Variants in PAOX observed in about 807,000 individuals in gnomAD.
PAOX encodes polyamine oxidase.
In PAOX, 38 loss-of-function variants were observed where a neutral mutation model predicts 39.0. That is an observed-to-expected ratio of 0.97 (90% CI 0.75 to 1.28). The LOEUF (loss-of-function observed/expected upper bound fraction) is 1.28, where lower values mean the gene tolerates loss of function less well. Among genes scored for constraint, PAOX ranks in the 50% most tolerant of loss-of-function variants. The probability of loss-of-function intolerance (pLI) is 0.00; values close to 1 mark genes in which losing one functional copy is unlikely to be tolerated. For synonymous variants in PAOX, 311 were observed against 314.4 expected, an observed-to-expected ratio of 0.99 and a Z score of 0.11; for missense variants, 667 against 685.7, an observed-to-expected ratio of 0.97 and a Z score of 0.30.
chr10:133,387,679 C>A (rs573967118), intron 4 of PAOX, among the ~76,000 whole-genome samples: 1 of 152,360 alleles, frequency 6.6e-6, no homozygotes, highest in South Asian at 2.1e-4. Flanking sequence ...CCGTGCACCA[C>A]GCGCAGCAGG....
Position 133,391,308 on chromosome 10 carries a change from G to C in PAOX, c.1393-4G>C, listed in dbSNP as rs1221237156. 2 of 1,613,336 alleles carry C rather than the reference G, an allele frequency of 1.2e-6. No homozygotes were observed. On this transcript the variant is annotated splice_polypyrimidine_tract_variant and splice_region_variant and intron_variant, in intron 6 of 6. Transcript: ENST00000278060. ...CCCATTCTAACCCTGGCTCTTCTTT[G>C]CAGCTCCAGATCCTGTTTGCGGGGG...
In PAOX at chr10:133,389,766, T is replaced by G; in HGVS notation, c.1392+19T>G. The stretch of plus-strand genomic sequence containing the variant: ...CGCCCAGGTATGTGGCGTGCCCCAG[T>G]CGGGGGGCGTGGGTCCCGCTGCAGA... On this transcript the variant is annotated intron_variant, in intron 6 of 6. Coordinates refer to ENST00000278060, the MANE Select transcript of PAOX (RefSeq NM_152911.4). The G allele has an allele frequency of 6.9e-7, 1 of 1,459,542 alleles. No individual in the cohort carries two copies. Among genetic ancestry groups the G allele is most frequent in the Non-Finnish European group, 9.0e-7 (1 of 1,107,628 alleles). 90.4% of individuals were successfully genotyped at this position (1,459,542 alleles called of 1,614,324 possible).
chr10:133,379,900 C>T (rs1849305569), intron 1 of PAOX, 99 bp from the exon 2 acceptor site: 14 of 1,454,420 alleles, frequency 9.6e-6, no homozygotes, highest in Non-Finnish European at 1.3e-5. Context: ...GTGGTACATC[C>T]TCCTTGGGAA....
rs1849479312 is a variant in PAOX, at chr10:133,384,316, G to C, written c.1121+104G>C. On this transcript the variant is annotated intron_variant, in intron 4 of 6. Transcript: ENST00000278060. The surrounding 1 kb of genome is among the most constrained non-coding windows in gnomAD (Gnocchi z 4.3). ...GTTCACTGCAGGGTATTTCTAGGGG[G>C]TTTAATGGGTAGGGTTCCCATGAGC... 3 of 1,507,452 alleles carry C rather than the reference G, an allele frequency of 2.0e-6. No individual in the cohort carries two copies. The highest frequency in any genetic ancestry group is 2.7e-6 in the Non-Finnish European group (3 of 1,116,764). 93.4% of individuals were successfully genotyped at this position (1,507,452 alleles called of 1,614,324 possible). A position where few individuals can be genotyped will look rare whatever the true frequency, so the allele number is the denominator to read the frequency against.
intron 3 of PAOX, 97 bp downstream of exon 3, chr10:133,381,756 A>G: frequency 7.7e-7 from 1 of 1,299,020 alleles, no homozygotes; most frequent in Non-Finnish European, 1.1e-6. Context: ...TTGTGTACGA[A>G]GCTCACATTT....
chr10:133,380,717 C>A (rs1289854662), intron 2 of PAOX, among the ~76,000 whole-genome samples: 1 of 152,210 alleles, frequency 6.6e-6, no homozygotes, highest in East Asian at 1.9e-4. Flanking sequence ...CGGTGGCTCA[C>A]GCCTGTAATC....
chr10:133,381,993 T>TG (rs5789162), intron 3 of PAOX, among the ~76,000 whole-genome samples: 134,947 of 152,056 alleles, frequency 0.89, 60,664 homozygotes, highest in East Asian at 0.97. Context: ...AGGTCAGGCC[T>TG]GGGGTGACCT....
intron 2 of PAOX, among the ~76,000 whole-genome samples, 154 bp downstream of exon 2, chr10:133,380,639 G>C (rs1849340334): frequency 6.6e-6 from 1 of 152,194 alleles, no homozygotes. Flanking sequence ...CCCTAGTTTT[G>C]CTCATTTAAG....
In PAOX at chr10:133,391,595, A is replaced by T. The variant is rs1849687164; in HGVS notation, c.*140A>T. On this transcript the variant is annotated 3_prime_UTR_variant, in exon 7 of 7. Transcript: ENST00000278060. Reference sequence around the variant, plus strand: ...TTTTGGTAACCAGGGCCACCTTCTCAGTTCTTGTGTCTGTTATTGGAGTCT... The same window carrying T: ...TTTTGGTAACCAGGGCCACCTTCTCTGTTCTTGTGTCTGTTATTGGAGTCT... 1.6e-6 allele frequency: 2 copies of T among 1,285,058 alleles called. No homozygotes were observed. The highest frequency in any genetic ancestry group is 5.1e-5 in the East Asian group (2 of 39,242). The allele number at this position is 1,285,058 out of a possible 1,614,324, so 79.6% of individuals were successfully genotyped here.
At chr10:133,379,628 C>A (rs1849294931) in intron 1 of PAOX, 131 bp downstream of exon 1, 2 of 786,090 alleles carry the variant, frequency 2.5e-6, no homozygotes, top group African/African-American at 1.8e-5. Flanking sequence ...TCCCCGCTCG[C>A]TTAATCCGCC....
At position 133,380,392 on chromosome 10, in the gene PAOX, G is replaced by A; in HGVS notation, c.575G>A (p.Cys192Tyr). 1 of 1,612,948 alleles carries A rather than the reference G, an allele frequency of 6.2e-7. No homozygotes were observed. Among genetic ancestry groups the A allele is most frequent in the Non-Finnish European group, 8.5e-7 (1 of 1,180,040 alleles). ...CTGAACTCCTTCTTCAACCTGGAATGCTGTGTGAGCGGCACCCACAGCATG... is the reference window on the plus strand; with the variant it reads ...CTGAACTCCTTCTTCAACCTGGAATACTGTGTGAGCGGCACCCACAGCATG... ...AVLNSFFNLE[C>Y]CVSGTHSMDL... The change falls in exon 2 of 7, where the codon TGC becomes TAC. Residue 192 changes from cysteine to tyrosine, a missense_variant. Cys to Tyr is a radical substitution (Grantham distance 194). Transcript: ENST00000278060.
intron 1 of PAOX, 39 bp from the exon 2 acceptor site, chr10:133,379,960 G>A: frequency 6.6e-7 from 1 of 1,504,240 alleles, no homozygotes; most frequent in Non-Finnish European, 8.8e-7. Context: ...ACCCTTCTAG[G>A]AAAGGGACCT....
rs556233344 is a variant in PAOX at position 133,385,167 on chromosome 10, G to A, written c.1121+955G>A. ...AAAAAATTAGCCGGTGTGGTGGCAC[G>A]CACCTGTAATCACAGCTACTCAGGA... On this transcript the variant is annotated intron_variant, in intron 4 of 6. Coordinates refer to ENST00000278060, the MANE Select transcript of PAOX (RefSeq NM_152911.4). 5.9e-5 allele frequency among the ~76,000 whole-genome samples: 9 copies of A among 152,176 alleles called. No homozygotes were observed. The East Asian group carries it at 7.7e-4, about 13-fold the overall frequency.
intron 1 of PAOX, 66 bp downstream of exon 1, chr10:133,379,563 C>T: frequency 6.7e-6 from 8 of 1,188,666 alleles, no homozygotes; most frequent in Non-Finnish European, 8.4e-6. Context: ...CCGGCCCCAA[C>T]CTGCCCTGCG....
Position 133,379,510 on chromosome 10 carries a change from C to G in PAOX, c.181+13C>G. On this transcript the variant is annotated intron_variant, in intron 1 of 6. Transcript: ENST00000278060. Reference sequence around the variant, plus strand: ...GAGCGCTGCTTCGGTAACCGCCCCTCCCGGAGCCCCTCCCGGAACCCAACC... The same window carrying G: ...GAGCGCTGCTTCGGTAACCGCCCCTGCCGGAGCCCCTCCCGGAACCCAACC... The G allele has an allele frequency of 8.2e-7, 1 of 1,225,670 alleles. No homozygotes were observed. The highest frequency in any genetic ancestry group is 1.0e-6 in the Non-Finnish European group (1 of 984,122). 75.9% of individuals were successfully genotyped at this position (1,225,670 alleles called of 1,614,324 possible). A position where few individuals can be genotyped will look rare whatever the true frequency, so the allele number is the denominator to read the frequency against.
Position 133,389,613 on chromosome 10 carries a change from A to G in PAOX, c.1258A>G (p.Lys420Glu). The part of the protein sequence containing the change: ...VTGNPRLPAP[K>E]SVLRSRWHSA... ...AGGAAACCCACGGCTCCCCGCGCCC[A>G]AGAGCGTCCTGCGGTCTCGCTGGCA... The change falls in exon 6 of 7, where the codon AAG becomes GAG. Residue 420 changes from lysine to glutamate, a missense_variant. By Grantham distance (56) the Lys-to-Glu change is moderately conservative. Transcript: ENST00000278060. 6.2e-7 allele frequency: 1 copy of G among 1,613,740 alleles called. No individual in the cohort carries two copies. The highest frequency in any genetic ancestry group is 8.5e-7 in the Non-Finnish European group (1 of 1,180,004).
Position 133,380,450 on chromosome 10 carries a change from T to A in PAOX, c.633T>A (p.Tyr211Ter). ...DLVALAPFGE[Y>*]TVLPGLDCTF... The stretch of plus-strand genomic sequence containing the variant: ...TGGCCCTGGCACCCTTTGGGGAGTA[T>A]ACCGTGCTGCCGGGGCTGGACTGCA... Residue 211 changes from tyrosine to a stop codon, truncating the protein, a stop_gained, in exon 2 of 7, where the codon TAT (tyrosine) becomes TAA (stop). Transcript: ENST00000278060. LOFTEE classifies it high-confidence loss of function. The A allele has an allele frequency of 6.2e-7, 1 of 1,611,654 alleles. No individual in the cohort carries two copies. Among genetic ancestry groups the A allele is most frequent in the South Asian group, 1.1e-5 (1 of 91,086 alleles).
chr10:133,379,667 CAG>C (rs1589889316), intron 1 of PAOX, 170 bp downstream of exon 1: 2 of 614,026 alleles, frequency 3.3e-6, no homozygotes, highest in East Asian at 3.4e-5. Flanking sequence ...ACTCAGGGCT[CAG>C]AGTTAGTCAG....
rs181246588 is a variant in PAOX at position 133,379,941 on chromosome 10, C to A, written c.182-58C>A. 7.3e-6 allele frequency: 11 copies of A among 1,499,846 alleles called. No homozygotes were observed. In the East Asian group the frequency reaches 2.5e-4, roughly 34 times the overall value. 92.9% of individuals were successfully genotyped at this position (1,499,846 alleles called of 1,614,324 possible). ...GCGTGGGCGTGGCCCAGGAGAAGGG[C>A]TCGGGGTGACCCTTCTAGGAAAGGG... On this transcript the variant is annotated intron_variant, in intron 1 of 6. Transcript: ENST00000278060.
Sources: allele counts gnomAD v4.1 joint callset (sites outside exome capture counted in the v4.1 genomes callset), GRCh38; gene constraint gnomAD v4.1.1; non-coding constraint Gnocchi (gnomAD v3.1); transcripts MANE v1.5; gene names NCBI Gene and HGNC (gene_info 2026-07-23, HGNC 2026-07-21).